FGGY: variants seen among roughly 807,000 people sequenced by gnomAD.
The protein encoded by FGGY is FGGY carbohydrate kinase domain containing.
In FGGY, 72 loss-of-function variants were observed where a neutral mutation model predicts 71.3. The ratio of observed to expected loss-of-function variants is 1.01; its 90% CI spans 0.84 to 1.23. FGGY has a LOEUF of 1.23. FGGY is among the 50% of genes most tolerant of loss of function. FGGY has a pLI of 0.00. For synonymous variants in FGGY, 251 were observed against 250.3 expected, an observed-to-expected ratio of 1.00 and a Z score of -0.02; for missense variants, 668 against 682.3, an observed-to-expected ratio of 0.98 and a Z score of 0.23.
chr1:59,744,029 C>T lies in FGGY; in HGVS notation c.1513-13902C>T, dbSNP rs78912246. ...GAGAACATTACAAGATCCTGTGTAG[C>T]GCTGGGGTGGAGATTGATGTAATAA... On this transcript the variant is annotated intron_variant, in intron 14 of 15. Transcript: ENST00000303721. Among the ~76,000 whole-genome samples the T allele has an allele frequency of 5.1e-3, 783 of 152,260 alleles. 8 individuals are homozygous for T. Among genetic ancestry groups the T allele is most frequent in the African/African-American group, 0.017 (725 of 41,554 alleles).
At chr1:59,460,107 G>A (rs927751682) in intron 6 of FGGY, among the ~76,000 whole-genome samples, 5 of 152,124 alleles carry the variant, frequency 3.3e-5, no homozygotes, top group African/African-American at 7.2e-5. Flanking sequence ...TCCTCGACCC[G>A]GGAAGCACAA....
intron 1 of FGGY, among the ~76,000 whole-genome samples, chr1:59,317,557 T>G (rs1022399801): frequency 9.9e-5 from 15 of 152,170 alleles, no homozygotes; most frequent in African/African-American, 3.6e-4. Flanking sequence ...ATTAGGAGTC[T>G]AGGACGCAGC....
chr1:59,590,934 G>T (rs900165697), intron 8 of FGGY, among the ~76,000 whole-genome samples: 1 of 152,142 alleles, frequency 6.6e-6, no homozygotes, highest in Non-Finnish European at 1.5e-5. Flanking sequence ...GGAAATTCTG[G>T]CCAGGGCAAT....
intron 6 of FGGY, among the ~76,000 whole-genome samples, chr1:59,477,508 G>A (rs1223298386): frequency 1.3e-5 from 2 of 152,096 alleles, no homozygotes; most frequent in African/African-American, 2.4e-5. Context: ...CAGTCTTTGC[G>A]GGCGTGAGGA....
chr1:59,357,635 C>T (rs1202464053), intron 4 of FGGY, among the ~76,000 whole-genome samples: 1 of 152,120 alleles, frequency 6.6e-6, no homozygotes, highest in East Asian at 1.9e-4. Context: ...CATGTTTCTT[C>T]CTCATTTGGG....
chr1:59,589,728 A>G (rs1030193968), intron 8 of FGGY, among the ~76,000 whole-genome samples: 21 of 152,196 alleles, frequency 1.4e-4, no homozygotes, highest in African/African-American at 4.3e-4. Flanking sequence ...AAAGGTGTTC[A>G]TTGAAACCAA....
At chr1:59,351,284 G>A (rs552014709) in intron 4 of FGGY, among the ~76,000 whole-genome samples, 10 of 152,246 alleles carry the variant, frequency 6.6e-5, no homozygotes, top group African/African-American at 2.4e-4. Context: ...GCCGACCCCT[G>A]GTCTTGACAA....
At chr1:59,381,660 TGTGTG>T (rs1407409191) in intron 5 of FGGY, among the ~76,000 whole-genome samples, 1 of 151,146 alleles carries the variant, frequency 6.6e-6, no homozygotes, top group African/African-American at 2.4e-5. Flanking sequence ...TGTGTGTGTG[TGTGTG>T]TGTGTATATT....
chr1:59,299,173 G>A (rs2042389386), intron 1 of FGGY, among the ~76,000 whole-genome samples: 1 of 152,092 alleles, frequency 6.6e-6, no homozygotes, highest in African/African-American at 2.4e-5. Flanking sequence ...CTAAGTATGA[G>A]TGGGCTGGAG....
intron 7 of FGGY, among the ~76,000 whole-genome samples, chr1:59,515,324 T>G (rs1188325057): frequency 6.6e-6 from 1 of 152,170 alleles, no homozygotes; most frequent in East Asian, 1.9e-4. Context: ...TGTACCCGCA[T>G]TGTATCTAGG....
At chr1:59,627,274 C>T (rs922437672) in intron 10 of FGGY, among the ~76,000 whole-genome samples, 1 of 151,584 alleles carries the variant, frequency 6.6e-6, no homozygotes, top group East Asian at 1.9e-4. Flanking sequence ...ATATTATACT[C>T]TAATTGGTAA....
intron 4 of FGGY, among the ~76,000 whole-genome samples, chr1:59,367,677 C>T (rs1345327248): frequency 3.3e-5 from 5 of 152,212 alleles, no homozygotes; most frequent in East Asian, 3.9e-4. Flanking sequence ...ATTTCCCTCA[C>T]GAGTTCCCTA....
At chr1:59,511,571 A>G (rs2094519498) in intron 6 of FGGY, among the ~76,000 whole-genome samples, 2 of 152,124 alleles carry the variant, frequency 1.3e-5, no homozygotes. Context: ...GGGGGCAAGG[A>G]CTGCTTTTCA....
At position 59,567,645 on chromosome 1, in the gene FGGY, T is replaced by C. The variant is rs536480122; in HGVS notation, c.903+13418T>C. Among the ~76,000 whole-genome samples, 4 of 152,002 alleles carry C rather than the reference T, an allele frequency of 2.6e-5. No individual in the cohort carries two copies. In the South Asian group the frequency reaches 8.3e-4, roughly 32 times the overall value. On this transcript the variant is annotated intron_variant, in intron 8 of 15. Transcript: ENST00000303721. ...CTTGGAAGACAGGGCATAGCTTCTC[T>C]GGAATTAAGGGAATGGCCCAGGAAA...
Position 59,585,287 on chromosome 1 carries a change from A to G in FGGY, c.904-22516A>G, listed in dbSNP as rs181703477. Among the ~76,000 whole-genome samples, 744 of 152,314 alleles carry G rather than the reference A, an allele frequency of 4.9e-3. 8 individuals carry two copies. The highest frequency in any genetic ancestry group is 0.017 in the African/African-American group (705 of 41,560). On this transcript the variant is annotated intron_variant, in intron 8 of 15. Transcript: ENST00000303721. ...TCAAACTATACTACCAGGCTACAGG[A>G]ACCAAAATAGCATGGTACTGGTACC... is the stretch of plus-strand genomic sequence containing the variant.
chr1:59,533,429 C>T (rs187771301), intron 7 of FGGY, among the ~76,000 whole-genome samples: 10,201 of 152,228 alleles, frequency 0.067, 715 homozygotes, highest in African/African-American at 0.18. Flanking sequence ...GGGGGAGGGG[C>T]GCCCGCCATT....
intron 4 of FGGY, among the ~76,000 whole-genome samples, chr1:59,349,924 G>A (rs2052900491): frequency 6.6e-6 from 1 of 151,844 alleles, no homozygotes; most frequent in Non-Finnish European, 1.5e-5. Flanking sequence ...AAGTTCACGG[G>A]TGATGCTAAT....
intron 8 of FGGY, among the ~76,000 whole-genome samples, chr1:59,583,679 C>A (rs1353295932): frequency 7.0e-6 from 1 of 142,362 alleles, no homozygotes; most frequent in Non-Finnish European, 1.5e-5. Context: ...TTCACACACC[C>A]CTCCTGGGTA....
At chr1:59,602,285 A>C (rs1429135294) in intron 8 of FGGY, among the ~76,000 whole-genome samples, 2 of 152,220 alleles carry the variant, frequency 1.3e-5, no homozygotes, top group Admixed American at 1.3e-4. Context: ...TCTGTGAAGT[A>C]AATATAATAA....
Sources: allele counts gnomAD v4.1 joint callset (sites outside exome capture counted in the v4.1 genomes callset), GRCh38; gene constraint gnomAD v4.1.1; transcripts MANE v1.5; gene names NCBI Gene and HGNC (gene_info 2026-07-23, HGNC 2026-07-21).